Variants in DAB1 observed in about 807,000 individuals in gnomAD.
The protein encoded by DAB1 is DAB adaptor protein 1, also known as disabled homolog 1.
In DAB1, 15 loss-of-function variants were observed where a neutral mutation model predicts 64.6. The ratio of observed to expected loss-of-function variants is 0.23; its 90% confidence interval spans 0.16 to 0.36. The LOEUF is 0.36. DAB1 is among the 10% of genes least tolerant of loss of function. DAB1 has a pLI of 1.00. For missense variants in DAB1, 596 were observed against 706.7 expected (o/e 0.84, Z 1.78); for synonymous variants, 235 against 251.9 (o/e 0.93, Z 0.64).
chr1:57,186,577 A>T (rs1380715891), intron 2 of DAB1, among the ~76,000 whole-genome samples: 1 of 152,218 alleles, frequency 6.6e-6, no homozygotes, highest in Admixed American at 6.5e-5. Context: ...ATAATTCAAT[A>T]AAGAGGTTGT....
At position 57,011,195 on chromosome 1, in the gene DAB1, T is replaced by A. The variant is rs748863712; in HGVS notation, c.1522A>T (p.Ile508Phe). 4 of 1,614,100 alleles carry A rather than the reference T, an allele frequency of 2.5e-6. No homozygotes were observed. The highest frequency in any genetic ancestry group is 3.4e-6 in the Non-Finnish European group (4 of 1,179,928). The part of the protein sequence containing the change: ...SHASDPTTDD[I>F]FEEGFESPSK... ...GGACTTTCAAAGCCCTCTTCAAAGA[T>A]GTCATCTGTGGTAGGATCACTGGCA... Residue 508 changes from isoleucine (I) to phenylalanine (F), a missense_variant, in exon 13 of 15, where the codon ATC (isoleucine) becomes TTC (phenylalanine). Ile to Phe is a conservative substitution (Grantham distance 21). This residue lies in a region of DAB1 where 377 missense variants were observed against 400.4 expected (regional missense o/e 0.94). Transcript: ENST00000371236.
intron 4 of DAB1, among the ~76,000 whole-genome samples, chr1:58,329,827 T>A (rs1269668070): frequency 6.6e-6 from 1 of 152,166 alleles, no homozygotes; most frequent in Non-Finnish European, 1.5e-5. Context: ...ACTTAATCCA[T>A]AAATATGCGT....
chr1:58,067,706 T>C (rs1648940914), intron 5 of DAB1, among the ~76,000 whole-genome samples: 1 of 152,210 alleles, frequency 6.6e-6, no homozygotes, highest in Non-Finnish European at 1.5e-5. Context: ...GAAAATTCTG[T>C]AGCCAACACT....
chr1:58,310,433 T>C (rs1374660909), intron 4 of DAB1, among the ~76,000 whole-genome samples: 1 of 152,200 alleles, frequency 6.6e-6, no homozygotes, highest in Non-Finnish European at 1.5e-5. Flanking sequence ...ATAATGTGTG[T>C]AGATTTTTCA....
At chr1:57,172,880 T>C (rs1661924405) in intron 2 of DAB1, among the ~76,000 whole-genome samples, 1 of 152,124 alleles carries the variant, frequency 6.6e-6, no homozygotes, top group South Asian at 2.1e-4. Context: ...AGTTATAGCA[T>C]GCATAGACAG....
chr1:57,469,696 T>C (rs113988504), intron 7 of DAB1, among the ~76,000 whole-genome samples: 1 of 152,326 alleles, frequency 6.6e-6, no homozygotes, highest in South Asian at 2.1e-4. Context: ...GATTGAATTA[T>C]AATTCCTATC....
At chr1:57,943,744 T>C (rs1372087447) in intron 5 of DAB1, among the ~76,000 whole-genome samples, 1 of 152,052 alleles carries the variant, frequency 6.6e-6, no homozygotes, top group African/African-American at 2.4e-5. Context: ...CAAGAGCAGT[T>C]TTATGTTACG....
intron 1 of DAB1, among the ~76,000 whole-genome samples, chr1:57,831,483 T>A (rs1189340429): frequency 6.6e-6 from 1 of 152,040 alleles, no homozygotes; most frequent in Non-Finnish European, 1.5e-5. Flanking sequence ...ATTGCCTCAT[T>A]CATAAACCAT....
At chr1:57,935,404 G>A (rs965211406) in intron 5 of DAB1, among the ~76,000 whole-genome samples, 2 of 152,142 alleles carry the variant, frequency 1.3e-5, no homozygotes, top group Non-Finnish European at 1.5e-5. Context: ...TCATGATCTG[G>A]TGTTCAATAA....
intron 5 of DAB1, among the ~76,000 whole-genome samples, chr1:57,976,090 G>T (rs574238391): frequency 6.6e-6 from 1 of 152,324 alleles, no homozygotes; most frequent in Non-Finnish European, 1.5e-5. Flanking sequence ...CCCCAAGATG[G>T]AGAGCCGTAT....
chr1:57,436,756 C>A (rs1030642937), intron 7 of DAB1, among the ~76,000 whole-genome samples: 2 of 151,908 alleles, frequency 1.3e-5, no homozygotes, highest in African/African-American at 4.8e-5. Flanking sequence ...AGGCTGGGTG[C>A]GGTGGCTCAC....
intron 4 of DAB1, among the ~76,000 whole-genome samples, chr1:58,156,686 AAGG>A (rs1439789401): frequency 6.6e-6 from 1 of 152,158 alleles, no homozygotes; most frequent in Middle Eastern, 3.2e-3. Context: ...GAAGTAGGTG[AAGG>A]AGAAGGCAGG....
intron 6 of DAB1, among the ~76,000 whole-genome samples, chr1:57,777,141 C>CTTTTTTT (rs71051255): frequency 6.6e-5 from 6 of 90,398 alleles, no homozygotes; most frequent in African/African-American, 9.0e-5. Flanking sequence ...TTCTGAATTT[C>CTTTTTTT]TTTTTTTTTT....
chr1:57,010,620 C>T, intron 14 of DAB1, 60 bp downstream of exon 14: 1 of 929,126 alleles, frequency 1.1e-6, no homozygotes, highest in Non-Finnish European at 1.5e-6. Context: ...AAGTGAAGAA[C>T]AACCAAAAGG....
chr1:57,705,766 GTC>G (rs1557433999), intron 6 of DAB1, among the ~76,000 whole-genome samples: 1 of 151,504 alleles, frequency 6.6e-6, no homozygotes, highest in East Asian at 1.9e-4. Flanking sequence ...TGCTTATTAC[GTC>G]TCTCTCCTAT....
At chr1:58,433,085 A>G (rs911742915) in intron 3 of DAB1, among the ~76,000 whole-genome samples, 5 of 152,200 alleles carry the variant, frequency 3.3e-5, no homozygotes, top group Non-Finnish European at 7.3e-5. Context: ...GCAGAGCTTG[A>G]GCAGCCAAGA....
chr1:58,290,444 C>A (rs367672352), intron 4 of DAB1, among the ~76,000 whole-genome samples: 4 of 152,020 alleles, frequency 2.6e-5, no homozygotes, highest in Admixed American at 2.0e-4. Flanking sequence ...ATTATTAAAG[C>A]ACAACATGTC....
intron 6 of DAB1, among the ~76,000 whole-genome samples, chr1:57,701,000 T>C (rs997689315): frequency 6.6e-6 from 1 of 152,090 alleles, no homozygotes; most frequent in Admixed American, 6.6e-5. Flanking sequence ...AAAACCACAA[T>C]GAGATACCAT....
At chr1:58,182,800 A>T (rs1029477034) in intron 4 of DAB1, among the ~76,000 whole-genome samples, 3 of 152,052 alleles carry the variant, frequency 2.0e-5, no homozygotes, top group African/African-American at 4.8e-5. Context: ...GTACCCGTCA[A>T]ATATAGTATG....
Sources: allele counts gnomAD v4.1 joint callset (sites outside exome capture counted in the v4.1 genomes callset), GRCh38; gene constraint gnomAD v4.1.1; regional missense constraint gnomAD v4.1.1; transcripts MANE v1.5; gene names NCBI Gene and HGNC (gene_info 2026-07-23, HGNC 2026-07-21).